The following UBR4 variants were observed in gnomAD, a reference collection of about 807,000 sequenced individuals.
UBR4 encodes ubiquitin protein ligase E3 component n-recognin 4, also known as E3 ubiquitin-protein ligase UBR4.
UBR4 carries 124 observed loss-of-function variants against 575.6 expected under a neutral mutation model. The ratio of observed to expected loss-of-function variants is 0.22; its 90% confidence interval spans 0.19 to 0.25. The LOEUF (loss-of-function observed/expected upper bound fraction) is 0.25, where lower values mean the gene tolerates loss of function less well. Ranked by LOEUF, UBR4 falls within the 10% of genes least tolerant of loss-of-function variation. The pLI is 1.00. For synonymous variants in UBR4, 2,455 were observed against 2,473.7 expected (o/e 0.99, Z 0.22); for missense variants, 4,818 against 6,478.8 (o/e 0.74, Z 8.80).
At chr1:19,102,647 A>G (rs1364282543) in intron 87 of UBR4, among the ~76,000 whole-genome samples, 5 of 152,220 alleles carry the variant, frequency 3.3e-5, no homozygotes, top group African/African-American at 1.2e-4. Context: ...TCGGGAAGCC[A>G]GGGAGATAAG....
chr1:19,204,025 G>A (rs1167084531), intron 1 of UBR4, among the ~76,000 whole-genome samples: 1 of 152,064 alleles, frequency 6.6e-6, no homozygotes, highest in Non-Finnish European at 1.5e-5. Flanking sequence ...TTGAGACAGA[G>A]TCTCGCTCTG....
chr1:19,183,087 A>G (rs960242639), intron 17 of UBR4, among the ~76,000 whole-genome samples: 2 of 152,220 alleles, frequency 1.3e-5, no homozygotes, highest in African/African-American at 4.8e-5. Flanking sequence ...GAGAGCATCT[A>G]TCTCCTATAA....
intron 29 of UBR4, 35 bp from the exon 30 acceptor site, chr1:19,165,792 T>C (rs925975689): frequency 6.5e-7 from 1 of 1,549,974 alleles, no homozygotes; most frequent in Middle Eastern, 1.7e-4. Context: ...CCACCAGTAT[T>C]AAGACCTGTT....
chr1:19,101,704 T>C (rs2078652528), intron 87 of UBR4, 63 bp from the exon 88 acceptor site: 2 of 1,562,106 alleles, frequency 1.3e-6, no homozygotes, highest in Admixed American at 1.7e-5. Flanking sequence ...GAAATGAGAA[T>C]TCTAACTGAA....
At position 19,177,846 on chromosome 1, in the gene UBR4, T is replaced by C. The variant is rs1571502485; in HGVS notation, c.2355-103A>G. The C allele has an allele frequency of 3.1e-6, 4 of 1,300,410 alleles. No homozygotes were observed. In the East Asian group the frequency reaches 9.7e-5, roughly 31 times the overall value. 80.6% of individuals were successfully genotyped at this position (1,300,410 alleles called of 1,614,324 possible). The stretch of plus-strand genomic sequence containing the variant: ...AGTTAAATTTCCTAAACCCAGGCAG[T>C]AAGATAACAAATTAAGGAAGAAAAA... On this transcript the variant is annotated intron_variant, in intron 18 of 105. Coordinates refer to ENST00000375254, the MANE Select transcript of UBR4 (RefSeq NM_020765.3).
chr1:19,130,036 C>A (rs927780951), intron 60 of UBR4, among the ~76,000 whole-genome samples: 3 of 151,678 alleles, frequency 2.0e-5, no homozygotes, highest in African/African-American at 4.8e-5. Flanking sequence ...TTTTTAAATA[C>A]AAAAAAGGAC....
At chr1:19,203,462 T>G (rs1233638205) in intron 1 of UBR4, among the ~76,000 whole-genome samples, 1 of 151,098 alleles carries the variant, frequency 6.6e-6, no homozygotes, top group East Asian at 1.9e-4. Flanking sequence ...ATTGTGCCAC[T>G]GCACTCCAGC....
intron 90 of UBR4, among the ~76,000 whole-genome samples, chr1:19,098,638 GCAA>G (rs1363718743): frequency 6.6e-6 from 1 of 152,178 alleles, no homozygotes; most frequent in Non-Finnish European, 1.5e-5. Context: ...AGCCAACAGT[GCAA>G]CAACGACCCC....
At position 19,192,347 on chromosome 1, in the gene UBR4, C is replaced by T; in HGVS notation, c.1235G>A (p.Trp412Ter). 1 of 1,614,036 alleles carries T rather than the reference C, an allele frequency of 6.2e-7. No homozygotes were observed. The highest frequency in any genetic ancestry group is 8.5e-7 in the Non-Finnish European group (1 of 1,179,990). The change falls in exon 11 of 106, where the codon TGG (tryptophan) becomes TAG (stop). Residue 412 changes from tryptophan to a stop codon, truncating the protein, a stop_gained. Coordinates refer to ENST00000375254, the MANE Select transcript of UBR4 (RefSeq NM_020765.3). LOFTEE classifies it high-confidence loss of function. Reference sequence around the variant, plus strand: ...GAGGAAAAGGCTGTTTAACAAGCACCAAGCACCCAGCAATTGGAAATTCTG... The same window carrying T: ...GAGGAAAAGGCTGTTTAACAAGCACTAAGCACCCAGCAATTGGAAATTCTG... ...HYQNFQLLGA[W>*]CLLNSLFLIL...
Position 19,130,194 on chromosome 1 carries a change from C to T in UBR4, c.8907-1120G>A, listed in dbSNP as rs535406477. ...TCATACCACTGCAAACTAGCCTGGG[C>T]AACAGAGCTGAAGTGAGCTACTGTC... On this transcript the variant is annotated intron_variant, in intron 60 of 105. Transcript: ENST00000375254. Among the ~76,000 whole-genome samples, 187 of 152,068 alleles carry T rather than the reference C, an allele frequency of 1.2e-3. 2 individuals are homozygous for T. The highest frequency in any genetic ancestry group is 1.7e-3 in the Admixed American group (26 of 15,256).
intron 92 of UBR4, among the ~76,000 whole-genome samples, 168 bp downstream of exon 92, chr1:19,096,355 G>A (rs1363148198): frequency 6.6e-6 from 1 of 152,162 alleles, no homozygotes; most frequent in Non-Finnish European, 1.5e-5. Context: ...GGGAAAAGGT[G>A]TGCCTAAGAA....
Position 19,086,832 on chromosome 1 carries a change from G to A in UBR4, c.14545-11C>T, listed in dbSNP as rs200429149. 7.7e-4 allele frequency: 1,250 copies of A among 1,613,718 alleles called. 10 individuals carry two copies. The African/African-American group carries it at 0.014, about 19-fold the overall frequency. On this transcript the variant is annotated splice_polypyrimidine_tract_variant and intron_variant, in intron 99 of 105. Coordinates refer to ENST00000375254, the MANE Select transcript of UBR4 (RefSeq NM_020765.3). ...CAGGACCTTTGTGGGCTGCAAAGAC[G>A]ACAACATAAGGAGAGGGGAGGAGAA... is the stretch of plus-strand genomic sequence containing the variant.
rs541802365 is a variant in UBR4 at position 19,198,582 on chromosome 1, G to C, written c.607C>G (p.Pro203Ala). The stretch of plus-strand genomic sequence containing the variant: ...ATAGGTTGTGATGCTACAGTTCTAG[G>C]GTTAAAAACTGAGGTCAGCTGGTTC... Reference protein sequence around the residue: ...FLNQLTSVFNPRTVASQPIST... With the variant: ...FLNQLTSVFNARTVASQPIST... The change falls in exon 5 of 106, where the codon CCT becomes GCT. Residue 203 changes from proline (P) to alanine (A), a missense_variant. Physicochemically the swap from Pro to Ala is conservative, Grantham distance 27. Around this residue, in one of 29 missense-constraint regions of UBR4, gnomAD observed 83 missense variants for 77.3 expected, o/e 1.07. Transcript: ENST00000375254. 6.2e-7 allele frequency: 1 copy of C among 1,614,074 alleles called. No homozygotes were observed. Among genetic ancestry groups the C allele is most frequent in the South Asian group, 1.1e-5 (1 of 91,072 alleles).
Position 19,165,711 on chromosome 1 carries a change from T to C in UBR4, c.4156A>G (p.Lys1386Glu). The C allele has an allele frequency of 6.2e-7, 1 of 1,614,180 alleles. No homozygotes were observed. Among genetic ancestry groups the C allele is most frequent in the Non-Finnish European group, 8.5e-7 (1 of 1,180,014 alleles). Residue 1386 changes from lysine to glutamate, a missense_variant, in exon 30 of 106, where the codon AAG becomes GAG. Around this residue, in one of 29 missense-constraint regions of UBR4, gnomAD observed 1,172 missense variants for 1,259.7 expected, o/e 0.93. Coordinates refer to ENST00000375254, the MANE Select transcript of UBR4 (RefSeq NM_020765.3). ...CGAGCCTGGCTACTTTCCAGCTGCT[T>C]TTCCAAGTACTGGAGACATTCCTCC... ...ILEECLQYLE[K>E]QLESSQARKA...
chr1:19,188,754 G>A (rs999434216), intron 11 of UBR4, among the ~76,000 whole-genome samples: 1 of 152,082 alleles, frequency 6.6e-6, no homozygotes. Flanking sequence ...GATTGCTTGG[G>A]GCCAAGAGTG....
At chr1:19,077,508 C>T (rs747380223) in intron 104 of UBR4, among the ~76,000 whole-genome samples, 5 of 152,132 alleles carry the variant, frequency 3.3e-5, no homozygotes, top group Admixed American at 6.5e-5. Flanking sequence ...CCAAGGCAGG[C>T]GGATCACCTG....
chr1:19,084,575 G>A lies in UBR4; in HGVS notation c.14937C>T (p.Gly4979=), dbSNP rs778808921. 23 of 1,614,082 alleles carry A rather than the reference G, an allele frequency of 1.4e-5. No individual in the cohort carries two copies. The highest frequency in any genetic ancestry group is 5.5e-5 in the South Asian group (5 of 91,086). ...AMEQSFSADT[G]GGGRESNIHL... is the part of the protein sequence containing the mutation. ...GGATGTTGCTCTCCCGGCCGCCCCC[G>A]CCAGTGTCTGCGCTGAACGACTGCT... is the stretch of plus-strand genomic sequence containing the variant. The change falls in exon 102 of 106, where the codon GGC becomes GGT. Residue 4979 remains glycine, a synonymous_variant. Transcript: ENST00000375254.
At position 19,157,918 on chromosome 1, in the gene UBR4, C is replaced by T; in HGVS notation, c.5657G>A (p.Arg1886Gln). 1.2e-6 allele frequency: 2 copies of T among 1,614,240 alleles called. No individual in the cohort carries two copies. The highest frequency in any genetic ancestry group is 1.7e-5 in the Admixed American group (1 of 60,026). The change falls in exon 40 of 106, where the codon CGG becomes CAG. Residue 1886 changes from arginine to glutamine, a missense_variant. Coordinates refer to ENST00000375254, the MANE Select transcript of UBR4 (RefSeq NM_020765.3). The surrounding 1 kb of genome is among the most constrained non-coding windows in gnomAD (Gnocchi z 4.4). The stretch of plus-strand genomic sequence containing the variant: ...GAGCACATGAGCACTGATCAGCTGC[C>T]GGATGGTCTGGCCCTGGTCTCCACT... ...NYSGDQGQTI[R>Q]QLISAHVLRR...
At chr1:19,174,516 A>G (rs1398044357) in intron 21 of UBR4, 69 bp from the exon 22 acceptor site, 1 of 1,555,364 alleles carries the variant, frequency 6.4e-7, no homozygotes, top group Non-Finnish European at 8.6e-7. Flanking sequence ...CCTATACACT[A>G]TCACTTATCC....
Sources: gnomAD v4.1 joint callset for allele counts (sites outside exome capture counted in the v4.1 genomes callset) on GRCh38, gnomAD v4.1.1 for gene constraint, gnomAD v4.1.1 regional missense constraint, Gnocchi (gnomAD v3.1) non-coding constraint, MANE v1.5 for transcripts, NCBI Gene and HGNC (gene_info 2026-07-23, HGNC 2026-07-21) for gene names.